The following TRIP12 variants were observed in gnomAD, a reference collection of about 807,000 sequenced individuals.
TRIP12 encodes E3 ubiquitin-protein ligase TRIP12.
Under a neutral mutation model 244.2 loss-of-function variants are expected in TRIP12, and 25 were observed. The observed-to-expected ratio is 0.10, with a 90% CI of 0.07 to 0.14. The LOEUF (loss-of-function observed/expected upper bound fraction) is 0.14. Among genes scored for constraint, TRIP12 ranks in the 10% least tolerant of loss-of-function variants. The pLI, the probability that TRIP12 is intolerant of heterozygous loss-of-function variation, is 1.00. For synonymous variants in TRIP12, 905 were observed against 873.1 expected (o/e 1.04, Z -0.64); for missense variants, 1,677 against 2,486.4 (o/e 0.67, Z 6.92).
chr2:229,912,637 T>A (rs187055523), intron 1 of TRIP12, among the ~76,000 whole-genome samples: 5 of 152,202 alleles, frequency 3.3e-5, no homozygotes, highest in Admixed American at 6.5e-5. Context: ...AACCCAGAAC[T>A]GAACCTCTCT....
intron 2 of TRIP12, among the ~76,000 whole-genome samples, chr2:229,869,178 G>A (rs2062083580): frequency 6.6e-6 from 1 of 152,094 alleles, no homozygotes; most frequent in Non-Finnish European, 1.5e-5. Flanking sequence ...AACCCACCTT[G>A]CTACATAGCC....
intron 1 of TRIP12, among the ~76,000 whole-genome samples, chr2:229,898,455 A>C (rs1367764506): frequency 6.6e-6 from 1 of 152,194 alleles, no homozygotes; most frequent in Non-Finnish European, 1.5e-5. Context: ...TTTAACACAA[A>C]AAGTAAGACG....
At chr2:229,777,119 T>A (rs1015034659) in intron 37 of TRIP12, among the ~76,000 whole-genome samples, 196 bp downstream of exon 37, 2 of 152,252 alleles carry the variant, frequency 1.3e-5, no homozygotes, top group Non-Finnish European at 1.5e-5. Flanking sequence ...CTAATCAAGA[T>A]GTTTATAGCC....
intron 5 of TRIP12, 146 bp from the exon 6 acceptor site, chr2:229,837,130 T>A: frequency 1.2e-6 from 1 of 808,478 alleles, no homozygotes; most frequent in Non-Finnish European, 1.7e-6. Flanking sequence ...AAAATCACCA[T>A]GTATAACAAC....
At chr2:229,800,643 C>T (rs1187669368) in intron 21 of TRIP12, among the ~76,000 whole-genome samples, 1 of 152,044 alleles carries the variant, frequency 6.6e-6, no homozygotes, top group Admixed American at 6.5e-5. Flanking sequence ...TAATATGGAA[C>T]CACTTAAAAC....
Position 229,798,929 on chromosome 2 carries a change from G to A in TRIP12, c.3428C>T (p.Ala1143Val), listed in dbSNP as rs371995308. Residue 1143 changes from alanine to valine, a missense_variant, in exon 23 of 42, where the codon GCG becomes GTG. This residue lies in a region of TRIP12 where 572 missense variants were observed against 867.8 expected (regional missense o/e 0.66). Coordinates refer to ENST00000675903, the MANE Select transcript of TRIP12 (RefSeq NM_001348323.3). ...AGCCCTGGCAAGGCCACTACCTCCC[G>A]CAGTCCGTGCTGGCTCAATGTTGTT... is the stretch of plus-strand genomic sequence containing the variant. ...NSNNIEPART[A>V]GGSGLARAAS... 4.3e-6 allele frequency: 7 copies of A among 1,614,172 alleles called. No homozygotes were observed. The highest frequency in any genetic ancestry group is 1.3e-5 in the African/African-American group (1 of 75,034).
At chr2:229,878,706 G>T (rs908331472) in intron 2 of TRIP12, among the ~76,000 whole-genome samples, 8 of 150,782 alleles carry the variant, frequency 5.3e-5, no homozygotes, top group African/African-American at 1.9e-4. Context: ...TCAGCCTCCC[G>T]AGTAGCTGGG....
At chr2:229,841,056 A>AC (rs1215819177) in intron 4 of TRIP12, 129 bp from the exon 5 acceptor site, 2 of 662,774 alleles carry the variant, frequency 3.0e-6, no homozygotes, top group African/African-American at 1.9e-5. Context: ...CAGCAGTATT[A>AC]CTAGCTTTAT....
At chr2:229,910,987 G>C (rs139127376) in intron 1 of TRIP12, among the ~76,000 whole-genome samples, 61 of 152,306 alleles carry the variant, frequency 4.0e-4, no homozygotes, top group Non-Finnish European at 7.5e-4. Flanking sequence ...TTGGACCTGG[G>C]GTGGAAGGGT....
intron 6 of TRIP12, 117 bp from the exon 7 acceptor site, chr2:229,830,956 G>C (rs2053189635): frequency 1.2e-6 from 1 of 800,248 alleles, no homozygotes; most frequent in Non-Finnish European, 2.1e-6. Context: ...AATTAAACTT[G>C]TCTTGCTACT....
chr2:229,892,987 T>TA (rs770538998), intron 1 of TRIP12, among the ~76,000 whole-genome samples: 14 of 152,358 alleles, frequency 9.2e-5, no homozygotes, highest in Non-Finnish European at 2.1e-4. Context: ...ACAGGCTAGT[T>TA]ACACAAATTG....
At position 229,767,483 on chromosome 2, in the gene TRIP12, A is replaced by G; in HGVS notation, c.*71T>C. 5 of 1,501,080 alleles carry G rather than the reference A, an allele frequency of 3.3e-6. No individual in the cohort carries two copies. Among genetic ancestry groups the G allele is most frequent in the East Asian group, 2.3e-5 (1 of 43,438 alleles). The allele number at this position is 1,501,080 out of a possible 1,614,324, so 93.0% of individuals were successfully genotyped here. A position where few individuals can be genotyped will look rare whatever the true frequency, so the allele number is the denominator to read the frequency against. Reference sequence around the variant, plus strand: ...GTAACATGTTTCCTTGACTCAGGTGATAACATTAGAAAAGAAATCATGATT... The same window carrying G: ...GTAACATGTTTCCTTGACTCAGGTGGTAACATTAGAAAAGAAATCATGATT... On this transcript the variant is annotated 3_prime_UTR_variant, in exon 42 of 42. Transcript: ENST00000675903.
chr2:229,802,893 A>T (rs551868058), intron 20 of TRIP12, among the ~76,000 whole-genome samples: 1 of 152,288 alleles, frequency 6.6e-6, no homozygotes, highest in Admixed American at 6.5e-5. Flanking sequence ...CTGCCACCAA[A>T]AAAAAAACCA....
chr2:229,768,582 T>G (rs1000257310), intron 41 of TRIP12, 34 bp downstream of exon 41: 1 of 1,597,356 alleles, frequency 6.3e-7, no homozygotes, highest in Non-Finnish European at 8.5e-7. Context: ...CACCCATAGG[T>G]AGAATAAATG....
rs777216311 is a variant in TRIP12, at chr2:229,804,246, AT to A, written c.2651-20del. 37 of 1,574,576 alleles carry A rather than the reference AT, an allele frequency of 2.3e-5. No homozygotes were observed. The highest frequency in any genetic ancestry group is 3.4e-5 in the South Asian group (3 of 87,702). ...TATCCACCTATTACATTAAAAAAAA[AT>A]ATATGTGCAATCCTGAAGTGACAGA... On this transcript the variant is annotated intron_variant, in intron 18 of 41. Transcript: ENST00000675903.
intron 34 of TRIP12, among the ~76,000 whole-genome samples, chr2:229,779,203 C>T (rs1360903268): frequency 1.3e-5 from 2 of 152,218 alleles, no homozygotes; most frequent in East Asian, 3.9e-4. Flanking sequence ...GCTAAGGCCC[C>T]AACATGTCAG....
intron 2 of TRIP12, among the ~76,000 whole-genome samples, chr2:229,870,058 T>C (rs1238311579): frequency 2.6e-5 from 4 of 152,202 alleles, no homozygotes; most frequent in Non-Finnish European, 4.4e-5. Flanking sequence ...AGTACGTCGA[T>C]TCCCCTAGCT....
chr2:229,917,380 CAAAAAAAAAAAAAAAAAAA>C (rs60397605), intron 1 of TRIP12, among the ~76,000 whole-genome samples: 506 of 29,274 alleles, frequency 0.017, 12 homozygotes, highest in Non-Finnish European at 0.024. Context: ...GACTCTGTCT[CAAAAAAAAAAAAAAAAAAA>C]AAAAAAAAAA....
At position 229,814,257 on chromosome 2, in the gene TRIP12, T is replaced by A; in HGVS notation, c.1800A>T (p.Arg600Ser). 6.2e-7 allele frequency: 1 copy of A among 1,614,160 alleles called. No homozygotes were observed. The highest frequency in any genetic ancestry group is 8.5e-7 in the Non-Finnish European group (1 of 1,180,004). The change falls in exon 12 of 42, where the codon AGA becomes AGT. Residue 600 changes from arginine (R) to serine (S), a missense_variant. By Grantham distance (110) the Arg-to-Ser change is moderately radical (BLOSUM62 -1). Transcript: ENST00000675903. ...ALTALEMLSR[R>S]HSKAILQAGG... ...CCGCCTGTAGAATGGCTTTACTATG[T>A]CTCCGTGACAACATCTCCAAGGCAG...
Sources: gnomAD v4.1 joint callset for allele counts (sites outside exome capture counted in the v4.1 genomes callset) on GRCh38, gnomAD v4.1.1 for gene constraint, gnomAD v4.1.1 regional missense constraint, MANE v1.5 for transcripts, NCBI Gene and HGNC (gene_info 2026-07-23, HGNC 2026-07-21) for gene names.